RAB27B: variants seen among roughly 807,000 people sequenced by gnomAD.
RAB27B encodes RAB27B, member RAS oncogene family.
Under a neutral mutation model 24.6 loss-of-function variants are expected in RAB27B, and 15 were observed. The ratio of observed to expected loss-of-function variants is 0.61; its 90% CI spans 0.41 to 0.94. RAB27B has a LOEUF of 0.94. Ranked by LOEUF, RAB27B falls within the 40% of genes least tolerant of loss-of-function variation. RAB27B has a pLI of 0.00. For synonymous variants in RAB27B, 105 were observed against 92.5 expected, an observed-to-expected ratio of 1.14 and a Z score of -0.78; for missense variants, 261 against 266.8, an observed-to-expected ratio of 0.98 and a Z score of 0.15.
chr18:54,791,510 G>A (rs1207292612), intron 2 of RAB27B, among the ~76,000 whole-genome samples: 1 of 152,182 alleles, frequency 6.6e-6, no homozygotes, highest in Non-Finnish European at 1.5e-5. Flanking sequence ...AAAGGTCAAG[G>A]GAGTCCTGGG....
chr18:54,863,208 G>T (rs534254126), intron 1 of RAB27B, among the ~76,000 whole-genome samples: 178 of 152,184 alleles, frequency 1.2e-3, no homozygotes, highest in Non-Finnish European at 2.1e-3. Flanking sequence ...GATTATTAAA[G>T]GTACATATGA....
chr18:54,804,773 T>C (rs1909716661), intron 2 of RAB27B, among the ~76,000 whole-genome samples: 1 of 152,198 alleles, frequency 6.6e-6, no homozygotes, highest in Non-Finnish European at 1.5e-5. Context: ...ATGGGATCTC[T>C]GGGTGAGGTA....
intron 1 of RAB27B, among the ~76,000 whole-genome samples, chr18:54,864,595 CT>C (rs1229208256): frequency 2.0e-5 from 3 of 151,708 alleles, no homozygotes; most frequent in African/African-American, 7.3e-5. Context: ...AGTTTTAGCT[CT>C]TATATTTAGG....
chr18:54,823,937 T>C (rs1475856831), upstream of RAB27B, among the ~76,000 whole-genome samples: 1 of 152,162 alleles, frequency 6.6e-6, no homozygotes, highest in Non-Finnish European at 1.5e-5. Flanking sequence ...TCCTAAGCCC[T>C]GGTCTTAATC....
chr18:54,792,905 G>C (rs928974597), intron 2 of RAB27B, among the ~76,000 whole-genome samples: 1 of 152,146 alleles, frequency 6.6e-6, no homozygotes, highest in Admixed American at 6.5e-5. Flanking sequence ...CCTCAGTTTT[G>C]ACTGTAGGGG....
intron 1 of RAB27B, among the ~76,000 whole-genome samples, chr18:54,874,562 T>TAAA (rs11331217): frequency 2.8e-5 from 4 of 143,278 alleles, no homozygotes; most frequent in African/African-American, 1.0e-4. Flanking sequence ...ACACATTTGC[T>TAAA]AAAAAAAAAA....
intron 2 of RAB27B, among the ~76,000 whole-genome samples, chr18:54,773,080 C>A (rs1233720267): frequency 2.6e-5 from 4 of 151,964 alleles, no homozygotes; most frequent in African/African-American, 9.7e-5. Flanking sequence ...TTCACCAATC[C>A]TTTTTTGGTT....
At chr18:54,887,410 A>G (rs1406355319) in intron 4 of RAB27B, among the ~76,000 whole-genome samples, 1 of 152,006 alleles carries the variant, frequency 6.6e-6, no homozygotes, top group East Asian at 1.9e-4. Flanking sequence ...CTTGGTATGT[A>G]TTATTAGAAG....
In RAB27B at chr18:54,860,466, C is replaced by G. The variant is rs1208905665; in HGVS notation, c.-19-17101C>G. On this transcript the variant is annotated intron_variant, in intron 1 of 5. Transcript: ENST00000262094. The stretch of plus-strand genomic sequence containing the variant: ...CTCTCCTCATTCCAGCTCTCCCTCT[C>G]TCCTTTCCCTATCAAACTCCAGCTT... Among the ~76,000 whole-genome samples the G allele has an allele frequency of 2.0e-5, 3 of 152,270 alleles. No homozygotes were observed. The East Asian group carries it at 5.8e-4, about 29-fold the overall frequency.
At chr18:54,885,715 C>A (rs952691460) in intron 4 of RAB27B, among the ~76,000 whole-genome samples, 5 of 152,068 alleles carry the variant, frequency 3.3e-5, no homozygotes, top group Admixed American at 1.3e-4. Context: ...TGTGTTAGTT[C>A]ATTCTTGCAT....
chr18:54,884,799 G>A (rs1377159433), intron 4 of RAB27B, among the ~76,000 whole-genome samples: 1 of 152,072 alleles, frequency 6.6e-6, no homozygotes, highest in African/African-American at 2.4e-5. Context: ...ATTTGACCTG[G>A]GGAGATCACA....
intron 2 of RAB27B, among the ~76,000 whole-genome samples, chr18:54,729,781 A>G (rs1909670740): frequency 6.6e-6 from 1 of 152,192 alleles, no homozygotes; most frequent in African/African-American, 2.4e-5. Flanking sequence ...AAGTGAATTA[A>G]TCTAATCAAC....
At chr18:54,797,350 C>A (rs958887117) in intron 2 of RAB27B, among the ~76,000 whole-genome samples, 1 of 152,058 alleles carries the variant, frequency 6.6e-6, no homozygotes, top group Non-Finnish European at 1.5e-5. Flanking sequence ...CATGGTGATA[C>A]CCTATCTCTA....
At chr18:54,742,859 T>C (rs1910110325) in intron 2 of RAB27B, among the ~76,000 whole-genome samples, 1 of 152,214 alleles carries the variant, frequency 6.6e-6, no homozygotes, top group Non-Finnish European at 1.5e-5. Context: ...TCATGACTCC[T>C]AAAGTGTGCA....
intron 2 of RAB27B, among the ~76,000 whole-genome samples, chr18:54,758,890 G>A (rs924162661): frequency 6.6e-6 from 1 of 152,064 alleles, no homozygotes; most frequent in Non-Finnish European, 1.5e-5. Flanking sequence ...GCACAATCCT[G>A]GGCCTCATTT....
chr18:54,883,001 T>C (rs1292583053), intron 3 of RAB27B, among the ~76,000 whole-genome samples: 2 of 152,072 alleles, frequency 1.3e-5, no homozygotes, highest in Non-Finnish European at 1.5e-5. Context: ...AGTAGAGTAG[T>C]GGCAGAGTAG....
intron 2 of RAB27B, among the ~76,000 whole-genome samples, chr18:54,758,259 C>T (rs1908069724): frequency 6.6e-6 from 1 of 152,086 alleles, no homozygotes; most frequent in African/African-American, 2.4e-5. Flanking sequence ...AAAAAATATT[C>T]AGTAACTTCT....
At chr18:54,836,565 C>A (rs2145193192) in intron 1 of RAB27B, among the ~76,000 whole-genome samples, 1 of 151,766 alleles carries the variant, frequency 6.6e-6, no homozygotes, top group East Asian at 1.9e-4. Flanking sequence ...AGAACTAACT[C>A]AAAATAGAAA....
chr18:54,862,871 T>C (rs1375957470), intron 1 of RAB27B, among the ~76,000 whole-genome samples: 1 of 152,228 alleles, frequency 6.6e-6, no homozygotes, highest in Non-Finnish European at 1.5e-5. Context: ...TGGAACTTTG[T>C]CAAATAACAA....
Sources: gnomAD v4.1 joint callset for allele counts (sites outside exome capture counted in the v4.1 genomes callset) on GRCh38, gnomAD v4.1.1 for gene constraint, MANE v1.5 for transcripts, NCBI Gene and HGNC (gene_info 2026-07-23, HGNC 2026-07-21) for gene names.